The following CCNH variants were observed in gnomAD, a reference collection of about 807,000 sequenced individuals.
The protein encoded by CCNH is cyclin-H.
Under a neutral mutation model 41.9 loss-of-function variants are expected in CCNH, and 31 were observed. The observed-to-expected ratio is 0.74, with a 90% CI of 0.56 to 1.00. The LOEUF (loss-of-function observed/expected upper bound fraction) is 1.00. CCNH is among the 50% of genes least tolerant of loss of function. The probability of loss-of-function intolerance (pLI) is 0.00; values close to 1 mark genes in which losing one functional copy is unlikely to be tolerated. For synonymous variants in CCNH, 138 were observed against 136.1 expected (o/e 1.01, Z -0.10); for missense variants, 362 against 388.4 (o/e 0.93, Z 0.57).
intron 9 of CCNH, among the ~76,000 whole-genome samples, chr5:87,353,977 T>G (rs1024984709): frequency 6.6e-6 from 1 of 152,062 alleles, no homozygotes; most frequent in African/African-American, 2.4e-5. Context: ...AAGTGGAAAA[T>G]GGAGGTACTG....
At chr5:87,372,038 T>A, downstream of CCNH, 3 of 799,702 alleles carry the variant, frequency 3.8e-6, no homozygotes, top group Non-Finnish European at 5.4e-6. Flanking sequence ...TTGTTGAATT[T>A]GAAAAAAAAA....
chr5:87,351,490 A>G (rs376989437), intron 9 of CCNH, among the ~76,000 whole-genome samples: 2 of 151,738 alleles, frequency 1.3e-5, no homozygotes, highest in Non-Finnish European at 3.0e-5. Context: ...GACTTGAAGA[A>G]GAAGAGTGCA....
intron 2 of CCNH, among the ~76,000 whole-genome samples, chr5:87,410,084 T>G (rs1038192969): frequency 1.3e-5 from 2 of 152,224 alleles, no homozygotes; most frequent in African/African-American, 4.8e-5. Flanking sequence ...GCCTGTACTT[T>G]TAACCATTAT....
downstream of CCNH, among the ~76,000 whole-genome samples, chr5:87,317,202 A>G (rs1408003256): frequency 6.6e-6 from 1 of 152,134 alleles, no homozygotes; most frequent in Admixed American, 6.6e-5. Context: ...AATTTGTGGT[A>G]ACTTCATCTG....
intron 9 of CCNH, among the ~76,000 whole-genome samples, chr5:87,350,848 A>C (rs1157643412): frequency 6.6e-6 from 1 of 151,726 alleles, no homozygotes; most frequent in Non-Finnish European, 1.5e-5. Context: ...TTTTAACATT[A>C]AACTTCTTTA....
At chr5:87,317,117 A>G (rs1282628297), downstream of CCNH, among the ~76,000 whole-genome samples, 2 of 152,144 alleles carry the variant, frequency 1.3e-5, no homozygotes, top group East Asian at 3.9e-4. Context: ...TCCCGGCCTC[A>G]TGTGATCTGC....
intron 9 of CCNH, among the ~76,000 whole-genome samples, chr5:87,352,835 G>GA (rs912410991): frequency 5.3e-5 from 8 of 150,868 alleles, no homozygotes; most frequent in Middle Eastern, 3.2e-3. Flanking sequence ...TCTTGGGGGT[G>GA]AAAAAAAAGG....
upstream of CCNH, among the ~76,000 whole-genome samples, chr5:87,377,688 G>A (rs1761418054): frequency 6.6e-6 from 1 of 152,034 alleles, no homozygotes; most frequent in African/African-American, 2.4e-5. Context: ...AACTTTTATA[G>A]ATAGGTAGTT....
chr5:87,347,778 A>C (rs1480148047), intron 9 of CCNH, among the ~76,000 whole-genome samples: 3 of 152,036 alleles, frequency 2.0e-5, no homozygotes, highest in Non-Finnish European at 4.4e-5. Context: ...TTAAACTAAA[A>C]TGACATTCTG....
At chr5:87,371,109 C>T (rs769182008) in intron 9 of CCNH, among the ~76,000 whole-genome samples, 2 of 151,776 alleles carry the variant, frequency 1.3e-5, no homozygotes, top group Non-Finnish European at 2.9e-5. Context: ...TACCATGGTC[C>T]CTCTTTCTGA....
At chr5:87,347,938 C>T (rs1005741081) in intron 9 of CCNH, among the ~76,000 whole-genome samples, 5 of 151,856 alleles carry the variant, frequency 3.3e-5, no homozygotes, top group Non-Finnish European at 7.4e-5. Context: ...AACTTAATTT[C>T]CTTAATACAT....
downstream of CCNH, among the ~76,000 whole-genome samples, chr5:87,387,821 A>C (rs1193614215): frequency 6.6e-6 from 1 of 152,178 alleles, no homozygotes; most frequent in Non-Finnish European, 1.5e-5. Context: ...CAAAAATGCT[A>C]AAAGTCCATC....
At chr5:87,374,459 ATTT>A (rs770426797), downstream of CCNH, 138 of 167,520 alleles carry the variant, frequency 8.2e-4, 1 homozygote, top group Middle Eastern at 5.3e-3. Context: ...ATATATATAT[ATTT>A]TTTTTTTTTT....
In CCNH at chr5:87,331,491, A is replaced by G. The variant is rs188368311; in HGVS notation, c.*91-12594T>C. ...TTTCTTAGCCAGATGAATGTTGTCA[A>G]CCATTTTAGGTAAGTCTTTATTCCT... is the stretch of plus-strand genomic sequence containing the variant. On this transcript the variant is annotated intron_variant and NMD_transcript_variant, in intron 9 of 9. Transcript: ENST00000645953. The G allele has an allele frequency of 2.5e-6, 4 of 1,613,784 alleles. No homozygotes were observed. Among genetic ancestry groups the G allele is most frequent in the East Asian group, 2.2e-5 (1 of 44,840 alleles).
At chr5:87,345,115 A>G (rs1758757595) in intron 9 of CCNH, among the ~76,000 whole-genome samples, 1 of 152,018 alleles carries the variant, frequency 6.6e-6, no homozygotes, top group African/African-American at 2.4e-5. Flanking sequence ...CTGGGATTAC[A>G]GGTGTGATCC....
chr5:87,386,183 A>T (rs1762050686), intron 9 of CCNH, among the ~76,000 whole-genome samples: 1 of 151,914 alleles, frequency 6.6e-6, no homozygotes, highest in Non-Finnish European at 1.5e-5. Flanking sequence ...AGAGACTTTC[A>T]TGTCTTTATC....
downstream of CCNH, chr5:87,391,636 T>C: frequency 4.3e-6 from 1 of 234,174 alleles, no homozygotes; most frequent in Non-Finnish European, 8.4e-6. Context: ...GTTGTATTGA[T>C]CAATGCATGT....
chr5:87,342,742 A>G (rs2112402918), intron 9 of CCNH, among the ~76,000 whole-genome samples: 1 of 152,242 alleles, frequency 6.6e-6, no homozygotes, highest in South Asian at 2.1e-4. Context: ...TAAGGTAATC[A>G]CTTTGTCTAG....
downstream of CCNH, among the ~76,000 whole-genome samples, chr5:87,375,511 T>G (rs897607682): frequency 5.9e-5 from 9 of 152,210 alleles, no homozygotes; most frequent in African/African-American, 2.2e-4. Context: ...TCTGCCGGCC[T>G]CGGCCTCCCA....
Sources: gnomAD v4.1 joint callset for allele counts (sites outside exome capture counted in the v4.1 genomes callset) on GRCh38, gnomAD v4.1.1 for gene constraint, MANE v1.5 for transcripts, NCBI Gene and HGNC (gene_info 2026-07-23, HGNC 2026-07-21) for gene names.